FGGY: variants seen among roughly 807,000 people sequenced by gnomAD.
FGGY encodes the protein FGGY carbohydrate kinase domain-containing protein.
A neutral mutation model predicts 71.3 loss-of-function variants in FGGY; 72 were observed. The ratio of observed to expected loss-of-function variants is 1.01; its 90% CI spans 0.84 to 1.23. The LOEUF (loss-of-function observed/expected upper bound fraction) is 1.23. FGGY is among the 50% of genes most tolerant of loss of function. The probability of loss-of-function intolerance (pLI) is 0.00; values close to 1 mark genes in which losing one functional copy is unlikely to be tolerated. For missense variants in FGGY, 668 were observed against 682.3 expected (o/e 0.98, Z 0.23); for synonymous variants, 251 against 250.3 (o/e 1.00, Z -0.02).
intron 11 of FGGY, among the ~76,000 whole-genome samples, chr1:59,645,559 A>G (rs1419699398): frequency 6.6e-6 from 1 of 152,200 alleles, no homozygotes; most frequent in African/African-American, 2.4e-5. Context: ...TTCCTCATCA[A>G]TACAACAGGA....
At chr1:59,585,786 A>G (rs1359894054) in intron 8 of FGGY, among the ~76,000 whole-genome samples, 2 of 152,236 alleles carry the variant, frequency 1.3e-5, no homozygotes, top group Non-Finnish European at 2.9e-5. Flanking sequence ...CAAAGGGCTA[A>G]TATCCAGAAT....
At chr1:59,576,905 T>C (rs1453921981) in intron 8 of FGGY, among the ~76,000 whole-genome samples, 3 of 152,160 alleles carry the variant, frequency 2.0e-5, no homozygotes, top group Non-Finnish European at 4.4e-5. Context: ...TGAACTTCTC[T>C]AGGGCAGGAA....
chr1:59,680,384 A>G (rs1214768358), intron 14 of FGGY, among the ~76,000 whole-genome samples: 7 of 151,874 alleles, frequency 4.6e-5, no homozygotes, highest in African/African-American at 1.4e-4. Context: ...GAAGAATTCA[A>G]TTAAGAATAT....
intron 6 of FGGY, among the ~76,000 whole-genome samples, chr1:59,465,787 C>A (rs2092585343): frequency 6.6e-6 from 1 of 152,106 alleles, no homozygotes; most frequent in Non-Finnish European, 1.5e-5. Flanking sequence ...ACCTAGAAAT[C>A]CAACTTACAA....
chr1:59,498,460 T>G (rs1424869930), intron 6 of FGGY, among the ~76,000 whole-genome samples: 1 of 152,192 alleles, frequency 6.6e-6, no homozygotes, highest in African/African-American at 2.4e-5. Context: ...TTTATAACAT[T>G]GACCAGAAGT....
chr1:59,392,399 G>C (rs1027668087), intron 5 of FGGY, among the ~76,000 whole-genome samples: 2 of 152,098 alleles, frequency 1.3e-5, no homozygotes, highest in Non-Finnish European at 2.9e-5. Context: ...CTTGGAGCTC[G>C]TAAGACTCGT....
At chr1:59,641,841 G>T (rs1037742527) in intron 11 of FGGY, among the ~76,000 whole-genome samples, 3 of 152,164 alleles carry the variant, frequency 2.0e-5, no homozygotes, top group African/African-American at 7.2e-5. Flanking sequence ...TGTGGAAACA[G>T]TTTGGACCTC....
At chr1:59,567,852 A>T (rs2095901156) in intron 8 of FGGY, among the ~76,000 whole-genome samples, 1 of 150,272 alleles carries the variant, frequency 6.7e-6, no homozygotes, top group African/African-American at 2.5e-5. Flanking sequence ...TCGATAAAAA[A>T]TCCTTTGTCA....
At position 59,512,372 on chromosome 1, in the gene FGGY, A is replaced by G. The variant is rs1318673749; in HGVS notation, c.732A>G (p.Arg244=). ...ATGGGCTCACACCAGAGGCAGCAAG[A>G]GACCTTGGCCTTCTCCCTGGGATTG... ...LGNGLTPEAA[R]DLGLLPGIAV... Residue 244 remains arginine, a synonymous_variant, in exon 7 of 16, where the codon AGA becomes AGG. Coordinates refer to ENST00000303721, the MANE Select transcript of FGGY (RefSeq NM_018291.5). 3 of 1,613,862 alleles carry G rather than the reference A, an allele frequency of 1.9e-6. No individual in the cohort carries two copies. In the Admixed American group the frequency reaches 5.0e-5, roughly 27 times the overall value.
chr1:59,651,315 TTC>T lies in FGGY; in HGVS notation c.1222-8902_1222-8901del, dbSNP rs2097158048. Among the ~76,000 whole-genome samples the T allele has an allele frequency of 4.0e-5, 6 of 151,680 alleles. No homozygotes were observed. In the South Asian group the frequency reaches 1.3e-3, roughly 32 times the overall value. ...CAATTCCTGGGTATCCTTGTTGACT[TTC>T]TGTCTCGTTGATCTGTCTAATGTTG... On this transcript the variant is annotated intron_variant, in intron 11 of 15. Transcript: ENST00000303721.
intron 11 of FGGY, among the ~76,000 whole-genome samples, chr1:59,650,537 T>C (rs1406521238): frequency 6.0e-5 from 6 of 99,760 alleles, no homozygotes; most frequent in Non-Finnish European, 1.1e-4. Context: ...TATATTTGCA[T>C]AGAGGTGTTT....
rs755883500 is a variant in FGGY at position 59,667,372 on chromosome 1, C to T, written c.1386C>T (p.Pro462=). 1.4e-5 allele frequency: 22 copies of T among 1,613,986 alleles called. No individual in the cohort carries two copies. In the Admixed American group the frequency reaches 2.2e-4, roughly 16 times the overall value. The change falls in exon 13 of 16, where the codon CCC becomes CCT. Residue 462 remains proline (P), a synonymous_variant. Transcript: ENST00000303721. ...TATGTGGAGGCCTCAGCAAGAATCC[C>T]CTTTTTGTGCAAATGCATGCGGACA... ...LFLCGGLSKN[P]LFVQMHADIT... is the part of the protein sequence containing the mutation.
At chr1:59,580,795 TC>T (rs2096179814) in intron 8 of FGGY, among the ~76,000 whole-genome samples, 1 of 152,164 alleles carries the variant, frequency 6.6e-6, no homozygotes, top group South Asian at 2.1e-4. Flanking sequence ...ACAAAAAAAG[TC>T]CCAAGCACAT....
chr1:59,449,486 T>C (rs2072131984), intron 5 of FGGY, among the ~76,000 whole-genome samples: 1 of 152,130 alleles, frequency 6.6e-6, no homozygotes, highest in Non-Finnish European at 1.5e-5. Context: ...GGTTTCACCA[T>C]GTTGGTCAGG....
intron 5 of FGGY, among the ~76,000 whole-genome samples, chr1:59,420,583 T>C (rs1452653646): frequency 1.3e-5 from 2 of 152,290 alleles, no homozygotes; most frequent in East Asian, 3.9e-4. Context: ...AGAGACTGAC[T>C]CCAGGGCATT....
At chr1:59,349,331 A>G (rs896160451) in intron 4 of FGGY, among the ~76,000 whole-genome samples, 2 of 152,146 alleles carry the variant, frequency 1.3e-5, no homozygotes, top group Non-Finnish European at 1.5e-5. Flanking sequence ...TGGATTGGAT[A>G]TATCACCTTT....
chr1:59,690,400 G>A (rs2097579300), intron 14 of FGGY, among the ~76,000 whole-genome samples: 1 of 152,310 alleles, frequency 6.6e-6, no homozygotes, highest in Admixed American at 6.5e-5. Context: ...AGCTTACATA[G>A]CTGGTAAAAG....
intron 7 of FGGY, among the ~76,000 whole-genome samples, chr1:59,538,900 A>T (rs963267432): frequency 6.6e-6 from 1 of 151,638 alleles, no homozygotes; most frequent in Non-Finnish European, 1.5e-5. Context: ...ATGCTAGATG[A>T]GGAGTTAGTA....
At chr1:59,725,437 A>G (rs1266276045) in intron 14 of FGGY, among the ~76,000 whole-genome samples, 1 of 152,102 alleles carries the variant, frequency 6.6e-6, no homozygotes, top group Non-Finnish European at 1.5e-5. Context: ...TTTCTTTAGT[A>G]TTATGTTGAC....
Sources: gnomAD v4.1 joint callset for allele counts (sites outside exome capture counted in the v4.1 genomes callset) on GRCh38, gnomAD v4.1.1 for gene constraint, MANE v1.5 for transcripts, NCBI Gene and HGNC (gene_info 2026-07-23, HGNC 2026-07-21) for gene names.